Variants in SLC52A3 observed in about 807,000 individuals in gnomAD.
SLC52A3 encodes solute carrier family 52 member 3.
In SLC52A3, 20 loss-of-function variants were observed where a neutral mutation model predicts 29.5. The observed-to-expected ratio is 0.68, with a 90% confidence interval of 0.48 to 0.99. The LOEUF (loss-of-function observed/expected upper bound fraction) is 0.99, where lower values mean the gene tolerates loss of function less well. Ranked by LOEUF, SLC52A3 falls within the 50% of genes least tolerant of loss-of-function variation. The pLI is 0.00. For synonymous variants in SLC52A3, 301 were observed against 271.0 expected, an observed-to-expected ratio of 1.11 and a Z score of -1.09; for missense variants, 548 against 612.9, an observed-to-expected ratio of 0.89 and a Z score of 1.12.
intron 1 of SLC52A3, among the ~76,000 whole-genome samples, chr20:774,921 C>T (rs777605305): frequency 4.6e-5 from 7 of 152,254 alleles, no homozygotes; most frequent in Non-Finnish European, 7.3e-5. Flanking sequence ...AGCTGCTCAC[C>T]CTCTCTAGGC....
chr20:769,704 C>G (rs1986791151), upstream of SLC52A3, among the ~76,000 whole-genome samples: 1 of 152,128 alleles, frequency 6.6e-6, no homozygotes, highest in Admixed American at 6.5e-5. Context: ...CGAGACTGGC[C>G]TGGCCAACAT....
intron 1 of SLC52A3, among the ~76,000 whole-genome samples, chr20:773,939 C>G (rs1038762275): frequency 9.2e-5 from 14 of 152,168 alleles, no homozygotes; most frequent in African/African-American, 3.1e-4. Flanking sequence ...CCCCGCCCCC[C>G]TCCACATTCT....
In SLC52A3 at chr20:765,597, G is replaced by A. The variant is rs771506715; in HGVS notation, c.178C>T (p.Leu60=). Residue 60 remains leucine (L), a synonymous_variant, in exon 2 of 5, where the codon CTG becomes TTG. Coordinates refer to ENST00000645534, the MANE Select transcript of SLC52A3 (RefSeq NM_033409.4). The surrounding 1 kb of genome is among the most constrained non-coding windows in gnomAD (Gnocchi z 6.6). ...LANIGPLLVT[L]LHHFRPSCLS... ...CAGCTGGGCCGGAAGTGATGGAGCA[G>A]GGTGACCAGGAGGGGCCCGATGTTG... is the stretch of plus-strand genomic sequence containing the variant. 6 of 1,594,074 alleles carry A rather than the reference G, an allele frequency of 3.8e-6. No homozygotes were observed. The South Asian group carries it at 6.8e-5, about 18-fold the overall frequency.
intron 1 of SLC52A3, chr20:775,933 C>T: frequency 6.5e-6 from 1 of 153,022 alleles, no homozygotes; most frequent in Non-Finnish European, 1.5e-5. Context: ...CAGGCCTGAG[C>T]CGCCCCGCTT....
chr20:760,915 T>G lies in SLC52A3; in HGVS notation c.*111A>C. 8.8e-7 allele frequency: 1 copy of G among 1,139,848 alleles called. No homozygotes were observed. Among genetic ancestry groups the G allele is most frequent in the Non-Finnish European group, 1.3e-6 (1 of 793,628 alleles). 70.6% of individuals were successfully genotyped at this position (1,139,848 alleles called of 1,614,324 possible). Reference sequence around the variant, plus strand: ...AGTCCCCAGTGGGCACTTGCGTTCATGATTCAATTACTCAGGCTCTGTCTC... The same window carrying G: ...AGTCCCCAGTGGGCACTTGCGTTCAGGATTCAATTACTCAGGCTCTGTCTC... On this transcript the variant is annotated 3_prime_UTR_variant, in exon 5 of 5. Transcript: ENST00000645534. This position sits in a 1 kb window ranked among gnomAD's most constrained non-coding sequence, Gnocchi z 4.9.
In SLC52A3 at chr20:763,553, G is replaced by A; in HGVS notation, c.1018C>T (p.Leu340Phe). Residue 340 changes from leucine to phenylalanine, a missense_variant, in exon 3 of 5, where the codon CTC becomes TTC. By Grantham distance (22) the Leu-to-Phe change is conservative. Around this residue, in one of 2 missense-constraint regions of SLC52A3, gnomAD observed 375 missense variants for 471.1 expected, o/e 0.80. Coordinates refer to ENST00000645534, the MANE Select transcript of SLC52A3 (RefSeq NM_033409.4). Reference protein sequence around the residue: ...GPVAYHLAATLSIVANPLASL... With the variant: ...GPVAYHLAATFSIVANPLASL... ...GCAAGAGGGTTGGCCACAATGCTGAGGGTGGCAGCCAGGTGGTAGGCAACT... is the reference window on the plus strand; with the variant it reads ...GCAAGAGGGTTGGCCACAATGCTGAAGGTGGCAGCCAGGTGGTAGGCAACT... 3 of 1,614,180 alleles carry A rather than the reference G, an allele frequency of 1.9e-6. No individual in the cohort carries two copies. The highest frequency in any genetic ancestry group is 2.5e-6 in the Non-Finnish European group (3 of 1,180,020).
upstream of SLC52A3, among the ~76,000 whole-genome samples, chr20:779,257 A>G (rs971022525): frequency 1.3e-5 from 2 of 152,246 alleles, no homozygotes; most frequent in African/African-American, 4.8e-5. Context: ...AAGTTGAGGC[A>G]TGTCAGAGAT....
chr20:764,181 C>T (rs990136643), intron 2 of SLC52A3, among the ~76,000 whole-genome samples, 178 bp from the exon 3 acceptor site: 23 of 152,308 alleles, frequency 1.5e-4, no homozygotes, highest in African/African-American at 4.6e-4. Context: ...TGAGCACGGG[C>T]ACTGTGCATG....
upstream of SLC52A3, among the ~76,000 whole-genome samples, chr20:770,553 A>G (rs1212676337): frequency 2.0e-5 from 3 of 152,218 alleles, no homozygotes; most frequent in Non-Finnish European, 4.4e-5. The surrounding 1 kb of genome is among the most constrained non-coding windows in gnomAD (Gnocchi z 4.5). Context: ...TCTATTTCAG[A>G]AAAACTGGAT....
At chr20:777,333 T>A (rs1044572904), upstream of SLC52A3, among the ~76,000 whole-genome samples, 2 of 152,074 alleles carry the variant, frequency 1.3e-5, no homozygotes, top group Non-Finnish European at 2.9e-5. Context: ...GTGGTGTTAT[T>A]TGCAGGAGTA....
At chr20:768,938 G>A (rs1352905550), upstream of SLC52A3, among the ~76,000 whole-genome samples, 1 of 152,178 alleles carries the variant, frequency 6.6e-6, no homozygotes, top group Non-Finnish European at 1.5e-5. Context: ...ACAAGACTCC[G>A]TCCTCCAGGA....
chr20:760,910 G>C lies in SLC52A3; in HGVS notation c.*116C>G. The C allele has an allele frequency of 9.1e-7, 1 of 1,096,838 alleles. No individual in the cohort carries two copies. Among genetic ancestry groups the C allele is most frequent in the Non-Finnish European group, 1.3e-6 (1 of 757,212 alleles). 67.9% of individuals were successfully genotyped at this position (1,096,838 alleles called of 1,614,324 possible). On this transcript the variant is annotated 3_prime_UTR_variant, in exon 5 of 5. Coordinates refer to ENST00000645534, the MANE Select transcript of SLC52A3 (RefSeq NM_033409.4). This position sits in a 1 kb window ranked among gnomAD's most constrained non-coding sequence, Gnocchi z 4.9. ...CCCACAGTCCCCAGTGGGCACTTGC[G>C]TTCATGATTCAATTACTCAGGCTCT...
upstream of SLC52A3, among the ~76,000 whole-genome samples, chr20:776,568 G>A (rs909567569): frequency 6.6e-6 from 1 of 151,994 alleles, no homozygotes; most frequent in Admixed American, 6.6e-5. Context: ...CCTTGTATAT[G>A]GCAGAACTGG....
intron 1 of SLC52A3, among the ~76,000 whole-genome samples, chr20:773,935 C>A (rs1479042312): frequency 1.3e-5 from 2 of 152,146 alleles, no homozygotes; most frequent in Non-Finnish European, 2.9e-5. Flanking sequence ...TGTCCCCCGC[C>A]CCCCTCCACA....
upstream of SLC52A3, among the ~76,000 whole-genome samples, chr20:770,879 G>A (rs758464082): frequency 6.6e-6 from 1 of 152,166 alleles, no homozygotes; most frequent in Non-Finnish European, 1.5e-5. The surrounding 1 kb of genome is among the most constrained non-coding windows in gnomAD (Gnocchi z 4.5). Context: ...GTGCCCTTCT[G>A]CTCTTCCTCC....
Position 761,908 on chromosome 20 carries a change from A to G in SLC52A3, c.1074-84T>C, listed in dbSNP as rs1257307253. ...CCCACTGGGCGGCATGTGGATGGCCAGTGTCTCCATAGTTAGTTTAGACCC... is the reference window on the plus strand; with the variant it reads ...CCCACTGGGCGGCATGTGGATGGCCGGTGTCTCCATAGTTAGTTTAGACCC... On this transcript the variant is annotated intron_variant, in intron 3 of 4. Coordinates refer to ENST00000645534, the MANE Select transcript of SLC52A3 (RefSeq NM_033409.4). 5 of 1,594,666 alleles carry G rather than the reference A, an allele frequency of 3.1e-6. No homozygotes were observed. The Admixed American group carries it at 8.6e-5, about 27-fold the overall frequency.
chr20:766,080 G>A, intron 1 of SLC52A3: 2 of 408,158 alleles, frequency 4.9e-6, no homozygotes, highest in South Asian at 2.7e-5. Context: ...GGGATTACAG[G>A]TGCATGCCAC....
At position 763,890 on chromosome 20, in the gene SLC52A3, TAGG is replaced by T; in HGVS notation, c.678_680del (p.Leu227del). 1 of 1,613,800 alleles carries T rather than the reference TAGG, an allele frequency of 6.2e-7. No homozygotes were observed. Among genetic ancestry groups the T allele is most frequent in the Non-Finnish European group, 8.5e-7 (1 of 1,179,920 alleles). On this transcript the variant is annotated inframe_deletion, in exon 3 of 5. Coordinates refer to ENST00000645534, the MANE Select transcript of SLC52A3 (RefSeq NM_033409.4). ...CGAGGCAGCAGGCCATCATGATGGA[TAGG>T]AGGAGGAAGAAGACCAGGGGTGAGA...
rs1986469950 is a variant in SLC52A3 at position 761,366 on chromosome 20, A to T, written c.1198-128T>A. 3 of 1,127,400 alleles carry T rather than the reference A, an allele frequency of 2.7e-6. No individual in the cohort carries two copies. In the East Asian group the frequency reaches 7.8e-5, roughly 29 times the overall value. 69.8% of individuals were successfully genotyped at this position (1,127,400 alleles called of 1,614,324 possible). A position where few individuals can be genotyped will look rare whatever the true frequency, so the allele number is the denominator to read the frequency against. On this transcript the variant is annotated intron_variant, in intron 4 of 4. Coordinates refer to ENST00000645534, the MANE Select transcript of SLC52A3 (RefSeq NM_033409.4). ...CTAGGTGCGAGGAGCGCCTTCTGGG[A>T]GTGAGCCTGCGGGGCCGACGGGTCC...
Sources: gnomAD v4.1 joint callset for allele counts (sites outside exome capture counted in the v4.1 genomes callset) on GRCh38, gnomAD v4.1.1 for gene constraint, gnomAD v4.1.1 regional missense constraint, Gnocchi (gnomAD v3.1) non-coding constraint, MANE v1.5 for transcripts, NCBI Gene and HGNC (gene_info 2026-07-23, HGNC 2026-07-21) for gene names.